The following DGCR2 variants were observed in gnomAD, a reference collection of about 807,000 sequenced individuals.
DGCR2 encodes the protein DiGeorge syndrome critical region gene 2.
In DGCR2, 24 loss-of-function variants were observed where a neutral mutation model predicts 51.6. The ratio of observed to expected loss-of-function variants is 0.47; its 90% CI spans 0.34 to 0.65. The LOEUF is 0.65. Ranked by LOEUF, DGCR2 falls within the 30% of genes least tolerant of loss-of-function variation. DGCR2 has a pLI of 0.01. For missense variants in DGCR2, 765 were observed against 772.1 expected, an observed-to-expected ratio of 0.99 and a Z score of 0.11; for synonymous variants, 340 against 315.4, an observed-to-expected ratio of 1.08 and a Z score of -0.82.
chr22:19,076,723 C>CTTTTTT (rs1228247995), intron 2 of DGCR2, among the ~76,000 whole-genome samples: 15 of 118,746 alleles, frequency 1.3e-4, no homozygotes, highest in Non-Finnish European at 1.6e-4. Context: ...GTCCTTTGCA[C>CTTTTTT]ATTTTTTTTT....
rs1167703674 is a variant in DGCR2, at chr22:19,037,712, T to TA, written c.*1152dup. The TA allele has an allele frequency of 1.3e-5, 2 of 152,272 alleles. No homozygotes were observed. The allele number at this position is 152,272 out of a possible 1,614,324, so 9.4% of individuals were successfully genotyped here. A position where few individuals can be genotyped will look rare whatever the true frequency, so the allele number is the denominator to read the frequency against. On this transcript the variant is annotated 3_prime_UTR_variant, in exon 10 of 10. Coordinates refer to ENST00000263196, the MANE Select transcript of DGCR2 (RefSeq NM_005137.3). ...CTTAATCTCCAAACCTCAGAAATGTTAAAGGCCCTGTGTCAGGCAACAAAA... is the reference window on the plus strand; with the variant it reads ...CTTAATCTCCAAACCTCAGAAATGTTAAAAGGCCCTGTGTCAGGCAACAAAA...
intron 1 of DGCR2, among the ~76,000 whole-genome samples, chr22:19,097,063 T>C (rs1375948401): frequency 6.6e-6 from 1 of 151,998 alleles, no homozygotes. Flanking sequence ...GTAACAACAC[T>C]GGGGGTTTTC....
At chr22:19,063,764 C>A (rs73386912) in intron 4 of DGCR2, among the ~76,000 whole-genome samples, 1 of 152,148 alleles carries the variant, frequency 6.6e-6, no homozygotes, top group African/African-American at 2.4e-5. Flanking sequence ...AAGACTGTTT[C>A]TATGAGCTAA....
chr22:19,069,898 T>C (rs1171268270), intron 2 of DGCR2, among the ~76,000 whole-genome samples: 3 of 152,200 alleles, frequency 2.0e-5, no homozygotes, highest in Non-Finnish European at 4.4e-5. Flanking sequence ...TAAAATATGC[T>C]ACCTGTGTCC....
chr22:19,073,818 C>T (rs113832146), intron 2 of DGCR2, among the ~76,000 whole-genome samples: 2,258 of 152,210 alleles, frequency 0.015, 27 homozygotes, highest in African/African-American at 0.017. Context: ...GGGCAGTACT[C>T]GACTAAAATG....
chr22:19,115,195 C>T (rs1295466200), intron 1 of DGCR2, among the ~76,000 whole-genome samples: 2 of 152,240 alleles, frequency 1.3e-5, no homozygotes, highest in African/African-American at 4.8e-5. Flanking sequence ...GGTCCAGCCA[C>T]ATCCTCACAC....
chr22:19,117,646 A>C lies in DGCR2; in HGVS notation c.79+4482T>G, dbSNP rs139870898. Among the ~76,000 whole-genome samples, 851 of 152,336 alleles carry C rather than the reference A, an allele frequency of 5.6e-3. 6 individuals are homozygous for C. Among genetic ancestry groups the C allele is most frequent in the African/African-American group, 0.019 (810 of 41,582 alleles). ...ACATACACATGGAAGATGAGGGATAAGGCAAATAAGGTAAAATGCCAACAG... is the reference window on the plus strand; with the variant it reads ...ACATACACATGGAAGATGAGGGATACGGCAAATAAGGTAAAATGCCAACAG... On this transcript the variant is annotated intron_variant, in intron 1 of 9. Transcript: ENST00000263196.
intron 6 of DGCR2, among the ~76,000 whole-genome samples, chr22:19,051,470 T>TC (rs1433340618): frequency 1.3e-5 from 2 of 152,148 alleles, no homozygotes; most frequent in African/African-American, 4.8e-5. Flanking sequence ...AGATCATTAG[T>TC]TCACACCTGT....
At chr22:19,056,860 C>T (rs1184284493) in intron 6 of DGCR2, 126 bp downstream of exon 6, 9 of 1,071,702 alleles carry the variant, frequency 8.4e-6, no homozygotes, top group Non-Finnish European at 1.0e-5. Flanking sequence ...AAGGTGTGAG[C>T]TGGTAAGGGG....
intron 6 of DGCR2, chr22:19,056,576 C>CAA: frequency 2.6e-6 from 1 of 387,128 alleles, no homozygotes; most frequent in African/African-American, 2.2e-5. Context: ...AACACACACA[C>CAA]CATAGACTGG....
rs1048243157 is a variant in DGCR2, at chr22:19,064,720, G to A, written c.548+128C>T. The stretch of plus-strand genomic sequence containing the variant: ...TGGATCTCCTGGGCTTCCAGTGGGC[G>A]AGGCTGGTCTTCCCAACCTGCTGTC... On this transcript the variant is annotated intron_variant, in intron 4 of 9. Transcript: ENST00000263196. The A allele has an allele frequency of 9.5e-5, 81 of 851,118 alleles. 1 individual carries two copies. The highest frequency in any genetic ancestry group is 3.8e-4 in the East Asian group (15 of 39,800). The allele number at this position is 851,118 out of a possible 1,614,324, so 52.7% of individuals were successfully genotyped here. A position where few individuals can be genotyped will look rare whatever the true frequency, so the allele number is the denominator to read the frequency against.
At chr22:19,098,577 T>C (rs1275479735) in intron 1 of DGCR2, among the ~76,000 whole-genome samples, 3 of 152,158 alleles carry the variant, frequency 2.0e-5, no homozygotes, top group Admixed American at 6.5e-5. Context: ...ATAGGGACAT[T>C]TTACATACAT....
intron 6 of DGCR2, among the ~76,000 whole-genome samples, chr22:19,056,694 T>C (rs1020309411): frequency 1.3e-5 from 2 of 152,100 alleles, no homozygotes; most frequent in Non-Finnish European, 2.9e-5. Context: ...CCTTGGGTCC[T>C]CATTCCCATT....
At chr22:19,053,881 TA>T (rs1236619928) in intron 6 of DGCR2, among the ~76,000 whole-genome samples, 3 of 151,978 alleles carry the variant, frequency 2.0e-5, no homozygotes, top group African/African-American at 7.3e-5. Flanking sequence ...ATCCTATAAA[TA>T]AAAAAACAGA....
Position 19,038,651 on chromosome 22 carries a change from T to A in DGCR2, c.*214A>T. On this transcript the variant is annotated 3_prime_UTR_variant, in exon 10 of 10. Transcript: ENST00000263196. Reference sequence around the variant, plus strand: ...GAAGACAGTGATCCAAAGCTATGCATGTTTCTGAAGCCCTCAAGGAAGCTC... The same window carrying A: ...GAAGACAGTGATCCAAAGCTATGCAAGTTTCTGAAGCCCTCAAGGAAGCTC... The A allele has an allele frequency of 1.6e-6, 1 of 606,718 alleles. No individual in the cohort carries two copies. Among genetic ancestry groups the A allele is most frequent in the African/African-American group, 1.9e-5 (1 of 53,338 alleles). 37.6% of individuals were successfully genotyped at this position (606,718 alleles called of 1,614,324 possible). A position where few individuals can be genotyped will look rare whatever the true frequency, so the allele number is the denominator to read the frequency against.
intron 6 of DGCR2, among the ~76,000 whole-genome samples, chr22:19,049,826 CAAAAA>C (rs538842818): frequency 9.1e-6 from 1 of 110,280 alleles, no homozygotes; most frequent in Non-Finnish European, 2.0e-5. Flanking sequence ...GACTCTGTCT[CAAAAA>C]AAAAAAAAAA....
intron 2 of DGCR2, among the ~76,000 whole-genome samples, chr22:19,073,500 A>T (rs1451792117): frequency 1.3e-5 from 2 of 152,208 alleles, no homozygotes; most frequent in African/African-American, 4.8e-5. Context: ...CCTTTCCCTA[A>T]GCTGTAAGGC....
At chr22:19,048,906 T>C (rs1326172673) in intron 6 of DGCR2, among the ~76,000 whole-genome samples, 2 of 152,192 alleles carry the variant, frequency 1.3e-5, no homozygotes, top group Non-Finnish European at 2.9e-5. Flanking sequence ...CTTCCCCACC[T>C]GGGCCTGGGG....
At chr22:19,058,807 G>C (rs977970566) in intron 5 of DGCR2, among the ~76,000 whole-genome samples, 1 of 152,224 alleles carries the variant, frequency 6.6e-6, no homozygotes. Flanking sequence ...CAGCAAGTCA[G>C]AGTGAGTCAG....
Sources: gnomAD v4.1 joint callset for allele counts (sites outside exome capture counted in the v4.1 genomes callset) on GRCh38, gnomAD v4.1.1 for gene constraint, MANE v1.5 for transcripts, NCBI Gene and HGNC (gene_info 2026-07-23, HGNC 2026-07-21) for gene names.